The following C16orf78 variants were observed in gnomAD, a reference collection of about 807,000 sequenced individuals.
C16orf78 encodes the protein uncharacterized protein C16orf78.
Under a neutral mutation model 27.3 loss-of-function variants are expected in C16orf78, and 19 were observed. The ratio of observed to expected loss-of-function variants is 0.70; its 90% confidence interval spans 0.49 to 1.02. C16orf78 has a LOEUF of 1.02. C16orf78 is among the 50% of genes least tolerant of loss of function. C16orf78 has a pLI of 0.00. For missense variants in C16orf78, 339 were observed against 337.0 expected, an observed-to-expected ratio of 1.01 and a Z score of -0.05; for synonymous variants, 130 against 116.1, an observed-to-expected ratio of 1.12 and a Z score of -0.77.
rs1432358635 is a variant in C16orf78 at position 49,396,799 on chromosome 16, G to T, written c.650+121G>T. On this transcript the variant is annotated intron_variant, in intron 4 of 4. Coordinates refer to ENST00000299191, the MANE Select transcript of C16orf78 (RefSeq NM_144602.4). ...GATCTAGGAGTAGGGGCTTGGTGTGGCTGAGCTCCGCCCTTTGGTCCCAAA... is the reference window on the plus strand; with the variant it reads ...GATCTAGGAGTAGGGGCTTGGTGTGTCTGAGCTCCGCCCTTTGGTCCCAAA... 1.1e-5 allele frequency: 14 copies of T among 1,304,770 alleles called. No individual in the cohort carries two copies. The African/African-American group carries it at 2.1e-4, about 19-fold the overall frequency. 80.8% of individuals were successfully genotyped at this position (1,304,770 alleles called of 1,614,324 possible).
intron 2 of C16orf78, 137 bp downstream of exon 2, chr16:49,377,987 A>C (rs1307362262): frequency 4.8e-6 from 6 of 1,245,422 alleles, no homozygotes; most frequent in Middle Eastern, 2.8e-4. Flanking sequence ...CCACATTAAC[A>C]CTCAAATAAA....
chr16:49,385,450 T>C (rs1337486980), intron 3 of C16orf78, among the ~76,000 whole-genome samples: 3 of 152,074 alleles, frequency 2.0e-5, no homozygotes, highest in Non-Finnish European at 4.4e-5. Flanking sequence ...AGTGGTTGGA[T>C]CACGAGGTCA....
At chr16:49,387,920 A>G (rs1195835107) in intron 3 of C16orf78, among the ~76,000 whole-genome samples, 1 of 151,950 alleles carries the variant, frequency 6.6e-6, no homozygotes, top group East Asian at 1.9e-4. Context: ...GTTTTTAATT[A>G]TGTCTATTTG....
intron 1 of C16orf78, among the ~76,000 whole-genome samples, chr16:49,375,257 T>TTGTG: frequency 6.6e-6 from 1 of 152,180 alleles, no homozygotes; most frequent in East Asian, 1.9e-4. Flanking sequence ...TCCATTATGT[T>TTGTG]TGTGTGCTTA....
At chr16:49,393,669 A>G (rs1006597504) in intron 3 of C16orf78, among the ~76,000 whole-genome samples, 6 of 152,106 alleles carry the variant, frequency 3.9e-5, no homozygotes, top group Non-Finnish European at 8.8e-5. Flanking sequence ...AGAAAATGCC[A>G]ACACTTTTAT....
intron 4 of C16orf78, 50 bp downstream of exon 4, chr16:49,396,728 T>C: frequency 6.3e-7 from 1 of 1,579,432 alleles, no homozygotes; most frequent in Non-Finnish European, 8.5e-7. Flanking sequence ...TGGAACAGGC[T>C]TTGCTCACTC....
rs1337108953 is a variant in C16orf78, at chr16:49,373,891, T to C, written c.-49T>C. ...AGTCCAGACAAAGGGATCGAAAGAG[T>C]GAGACAGTGCCAGCCACCTCCCACC... On this transcript the variant is annotated 5_prime_UTR_variant, in exon 1 of 5. The change abolishes the stop of an existing upstream ORF in the 5' untranslated region. Transcript: ENST00000299191. 6.2e-7 allele frequency: 1 copy of C among 1,605,602 alleles called. No individual in the cohort carries two copies. The highest frequency in any genetic ancestry group is 1.3e-5 in the African/African-American group (1 of 74,520).
intron 2 of C16orf78, 69 bp from the exon 3 acceptor site, chr16:49,378,401 T>A: frequency 2.0e-6 from 3 of 1,518,638 alleles, no homozygotes; most frequent in Non-Finnish European, 2.6e-6. Flanking sequence ...GCTGTTTGCT[T>A]GGGATGGAGC....
intron 1 of C16orf78, among the ~76,000 whole-genome samples, 184 bp from the exon 2 acceptor site, chr16:49,377,547 G>A (rs2151610439): frequency 6.6e-6 from 1 of 152,234 alleles, no homozygotes; most frequent in African/African-American, 2.4e-5. Context: ...TCTGGGGGCG[G>A]CGACATGTAT....
At position 49,377,713 on chromosome 16, in the gene C16orf78, C is replaced by G; in HGVS notation, c.151-18C>G. ...CCCACAGCAGTGGCTGCAGGGCTCT[C>G]TTCCCTTGTCTTTTCAGAAGCAAAA... On this transcript the variant is annotated intron_variant, in intron 1 of 4. Coordinates refer to ENST00000299191, the MANE Select transcript of C16orf78 (RefSeq NM_144602.4). The G allele has an allele frequency of 6.3e-7, 1 of 1,599,042 alleles. No homozygotes were observed. The highest frequency in any genetic ancestry group is 8.5e-7 in the Non-Finnish European group (1 of 1,173,130).
intron 1 of C16orf78, among the ~76,000 whole-genome samples, chr16:49,377,512 C>T (rs1451114196): frequency 6.6e-6 from 1 of 152,080 alleles, no homozygotes; most frequent in Non-Finnish European, 1.5e-5. Context: ...AGGAACAGGA[C>T]CAGGCCTGAG....
intron 3 of C16orf78, among the ~76,000 whole-genome samples, chr16:49,382,401 A>C (rs1965296816): frequency 6.6e-6 from 1 of 151,908 alleles, no homozygotes; most frequent in South Asian, 2.1e-4. Flanking sequence ...GTACCCTAAA[A>C]CTTAAAGTAT....
chr16:49,382,282 G>A (rs563129452), intron 3 of C16orf78, among the ~76,000 whole-genome samples: 1 of 152,254 alleles, frequency 6.6e-6, no homozygotes, highest in East Asian at 1.9e-4. Context: ...GGGGAGTGGA[G>A]AGGGATAGCA....
At chr16:49,387,801 T>C (rs1363229101) in intron 3 of C16orf78, among the ~76,000 whole-genome samples, 1 of 152,220 alleles carries the variant, frequency 6.6e-6, no homozygotes, top group Non-Finnish European at 1.5e-5. Flanking sequence ...AGGGTGTATG[T>C]GTCCAGTAAT....
chr16:49,384,368 A>AACAAAAAAAAAAAAAAAAAAAAAAAAAG (rs1567391927), intron 3 of C16orf78, among the ~76,000 whole-genome samples: 1 of 143,164 alleles, frequency 7.0e-6, no homozygotes, highest in Non-Finnish European at 1.5e-5. Flanking sequence ...AAAAAAAAAA[A>AACAAAAAAAAAAAAAAAAAAAAAAAAAG]GCAGAAAACT....
chr16:49,386,475 T>C (rs1386922417), intron 3 of C16orf78, among the ~76,000 whole-genome samples: 1 of 152,186 alleles, frequency 6.6e-6, no homozygotes, highest in African/African-American at 2.4e-5. Flanking sequence ...CAGTGGTACA[T>C]GTGCAGATTT....
In C16orf78 at chr16:49,399,213, C is replaced by T. The variant is rs768529256; in HGVS notation, c.733C>T (p.His245Tyr). The T allele has an allele frequency of 8.1e-6, 13 of 1,614,034 alleles. No homozygotes were observed. The highest frequency in any genetic ancestry group is 7.7e-5 in the South Asian group (7 of 91,086). Residue 245 changes from histidine to tyrosine, a missense_variant, in exon 5 of 5, where the codon CAC becomes TAC. Physicochemically the swap from His to Tyr is moderately conservative, Grantham distance 83. Coordinates refer to ENST00000299191, the MANE Select transcript of C16orf78 (RefSeq NM_144602.4). ...AGGAATGAATGTGGATATCCACCCC[C>T]ACATGGTCGAAGAGGACATAGATGC... ...DAGMNVDIHP[H>Y]MVEEDIDAKK...
chr16:49,381,506 A>C (rs1192959000), intron 3 of C16orf78, among the ~76,000 whole-genome samples: 2 of 152,200 alleles, frequency 1.3e-5, no homozygotes, highest in East Asian at 3.8e-4. Flanking sequence ...AATTTTCGCA[A>C]CCTACTCATC....
intron 3 of C16orf78, among the ~76,000 whole-genome samples, chr16:49,386,698 CTT>C (rs1965355793): frequency 6.6e-6 from 1 of 152,108 alleles, no homozygotes; most frequent in Non-Finnish European, 1.5e-5. Flanking sequence ...AGCATGCAGT[CTT>C]TGGTTTTCTG....
Sources: allele counts gnomAD v4.1 joint callset (sites outside exome capture counted in the v4.1 genomes callset), GRCh38; gene constraint gnomAD v4.1.1; transcripts MANE v1.5; gene names NCBI Gene and HGNC (gene_info 2026-07-23, HGNC 2026-07-21).